XG: variants seen among roughly 807,000 people sequenced by gnomAD.
XG encodes Xg glycoprotein (Xg blood group).
XG carries 24 observed loss-of-function variants against 25.7 expected under a neutral mutation model. That is an observed-to-expected ratio of 0.93 (90% confidence interval 0.68 to 1.31). XG has a LOEUF of 1.31. Among genes scored for constraint, XG ranks in the 40% most tolerant of loss-of-function variants. The pLI is 0.00. For synonymous variants in XG, 77 were observed against 69.2 expected, an observed-to-expected ratio of 1.11 and a Z score of -0.56; for missense variants, 181 against 187.6, an observed-to-expected ratio of 0.96 and a Z score of 0.21.
intron 4 of XG, among the ~76,000 whole-genome samples, chrX:2,786,859 G>A (rs921542260): frequency 1.8e-5 from 2 of 111,468 alleles, no homozygotes; most frequent in African/African-American, 6.5e-5. Context: ...GCATCTACAA[G>A]CCCAGGAGAG....
At chrX:2,779,300 C>A (rs2051068736) in intron 3 of XG, among the ~76,000 whole-genome samples, 1 of 144,902 alleles carries the variant, frequency 6.9e-6, no homozygotes, top group Non-Finnish European at 1.5e-5. Context: ...CCTGCCATTG[C>A]ACTCCAGCTG....
intron 7 of XG, among the ~76,000 whole-genome samples, chrX:2,806,339 C>CT (rs950663466): frequency 1.6e-4 from 18 of 110,715 alleles, no homozygotes; most frequent in African/African-American, 3.9e-4. Flanking sequence ...TGGAGGAACT[C>CT]TTTTTTTTTA....
chrX:2,813,185 T>C (rs1228702988), intron 10 of XG, among the ~76,000 whole-genome samples: 1 of 110,131 alleles, frequency 9.1e-6, no homozygotes, highest in African/African-American at 3.3e-5. Flanking sequence ...ACTTCGATGA[T>C]ACCCTCACCA....
At chrX:2,785,026 T>A (rs1312741500) in intron 4 of XG, among the ~76,000 whole-genome samples, 1 of 112,157 alleles carries the variant, frequency 8.9e-6, no homozygotes, top group African/African-American at 3.2e-5. Context: ...TTACACATTT[T>A]AGGGAGACAG....
intron 1 of XG, among the ~76,000 whole-genome samples, chrX:2,758,084 G>A (rs773277077): frequency 3.0e-4 from 45 of 151,458 alleles, no homozygotes; most frequent in South Asian, 1.9e-3. Context: ...CTCATCCTAC[G>A]TCTCAGTTAT....
chrX:2,771,483 A>T (rs1228201004), intron 2 of XG, among the ~76,000 whole-genome samples: 1 of 152,188 alleles, frequency 6.6e-6, no homozygotes, highest in Non-Finnish European at 1.5e-5. Flanking sequence ...CAGAATGCTG[A>T]AAATATGTGT....
At position 2,774,156 on chromosome X, in the gene XG, G is replaced by A. The variant is rs761111682; in HGVS notation, c.104-560G>A. On this transcript the variant is annotated intron_variant, in intron 2 of 10. Transcript: ENST00000644266. ...AGCTCCAATTTTCCCAGCCATGGCCGACTCCACCTCCTTTGAGCCATCTTC... is the reference window on the plus strand; with the variant it reads ...AGCTCCAATTTTCCCAGCCATGGCCAACTCCACCTCCTTTGAGCCATCTTC... 3.7e-4 allele frequency among the ~76,000 whole-genome samples: 56 copies of A among 152,078 alleles called. 1 individual carries two copies. Among genetic ancestry groups the A allele is most frequent in the Non-Finnish European group, 4.3e-4 (29 of 67,992 alleles).
intron 3 of XG, among the ~76,000 whole-genome samples, chrX:2,780,294 G>C (rs1301823938): frequency 2.6e-5 from 4 of 151,922 alleles, no homozygotes; most frequent in Admixed American, 2.6e-4. Flanking sequence ...ATTCAAAGAA[G>C]AGGGAATTAT....
intron 1 of XG, among the ~76,000 whole-genome samples, chrX:2,764,606 C>G (rs762572063): frequency 6.6e-6 from 1 of 152,020 alleles, no homozygotes; most frequent in East Asian, 1.9e-4. Flanking sequence ...CGGAACTTTC[C>G]CCTCTGTGGG....
At chrX:2,797,270 C>T (rs1259483241) in intron 6 of XG, 40 bp from the exon 7 acceptor site, 2 of 1,202,733 alleles carry the variant, frequency 1.7e-6, no homozygotes, top group South Asian at 3.5e-5. Flanking sequence ...CACGCTCAGA[C>T]ACCTGAACAT....
rs899706627 is a variant in XG, at chrX:2,767,215, C to G, written c.62-3335C>G. 5.3e-5 allele frequency among the ~76,000 whole-genome samples: 8 copies of G among 152,004 alleles called. 1 individual carries two copies. Among genetic ancestry groups the G allele is most frequent in the African/African-American group, 1.9e-4 (8 of 41,388 alleles). ...ATCCGGCAGGGGTGGAATTTGGGTC[C>G]CAGAGGGGTTTGGTGACTGCAGGCT... On this transcript the variant is annotated intron_variant, in intron 1 of 10. Coordinates refer to ENST00000644266, the MANE Select transcript of XG (RefSeq NM_001141919.2).
chrX:2,752,584 A>G lies in XG; in HGVS notation c.61+249A>G, dbSNP rs145839330. 5.2e-3 allele frequency among the ~76,000 whole-genome samples: 792 copies of G among 152,164 alleles called. 3 individuals carry two copies. Among genetic ancestry groups the G allele is most frequent in the African/African-American group, 0.018 (734 of 41,502 alleles). On this transcript the variant is annotated intron_variant, in intron 1 of 10. Transcript: ENST00000644266. ...CTGATACCATCTAGATATTCGCCAT[A>G]TTTTCCTGTTTTGATCCATGTGTCC... is the stretch of plus-strand genomic sequence containing the variant.
chrX:2,777,328 G>C (rs2051021594), intron 3 of XG, among the ~76,000 whole-genome samples: 1 of 152,188 alleles, frequency 6.6e-6, no homozygotes, highest in South Asian at 2.1e-4. Context: ...TTAAGGTTAA[G>C]TGTTCCTGCT....
rs142998578 is a variant in XG, at chrX:2,784,085, A to G, written c.190+1957A>G. The stretch of plus-strand genomic sequence containing the variant: ...AGTCTTTCTTTTTTCCCCCTCTTTC[A>G]TGATGAAAATCCCAAATACCACCCA... On this transcript the variant is annotated intron_variant, in intron 4 of 10. Transcript: ENST00000644266. 6.3e-5 allele frequency among the ~76,000 whole-genome samples: 7 copies of G among 111,531 alleles called. No homozygotes were observed. In the East Asian group the frequency reaches 2.0e-3, roughly 32 times the overall value.
At chrX:2,769,040 C>T (rs2050759058) in intron 1 of XG, among the ~76,000 whole-genome samples, 1 of 152,160 alleles carries the variant, frequency 6.6e-6, no homozygotes. Flanking sequence ...CCCTTCCCTC[C>T]AAGGTTTGTG....
In XG at chrX:2,782,052, T is replaced by G. The variant is rs1426252823; in HGVS notation, c.128-14T>G. ...ATTTTCTTTTCTAACAGTGCAATGT[T>G]GTTTCCTCCACAGATATCTACCCAA... On this transcript the variant is annotated splice_polypyrimidine_tract_variant and intron_variant, in intron 3 of 10. Transcript: ENST00000644266. 2 of 1,207,883 alleles carry G rather than the reference T, an allele frequency of 1.7e-6. No homozygotes were observed. The highest frequency in any genetic ancestry group is 2.2e-6 in the Non-Finnish European group (2 of 893,466).
intron 7 of XG, among the ~76,000 whole-genome samples, chrX:2,800,698 C>G (rs1009708774): frequency 1.8e-5 from 2 of 111,592 alleles, no homozygotes; most frequent in African/African-American, 6.5e-5. Context: ...CAAGAACTGT[C>G]TACTTTTGGC....
chrX:2,763,403 G>T (rs930519255), intron 1 of XG, among the ~76,000 whole-genome samples: 2 of 151,006 alleles, frequency 1.3e-5, no homozygotes, highest in Admixed American at 6.6e-5. Context: ...GCTCATAGAC[G>T]TTGGGTAAGA....
chrX:2,766,554 C>A (rs1420104981), intron 1 of XG, among the ~76,000 whole-genome samples: 1 of 128,178 alleles, frequency 7.8e-6, no homozygotes, highest in Non-Finnish European at 1.6e-5. Context: ...TTCCTTATGG[C>A]CACTTTTTTT....
Sources: gnomAD v4.1 joint callset for allele counts (sites outside exome capture counted in the v4.1 genomes callset) on GRCh38, gnomAD v4.1.1 for gene constraint, MANE v1.5 for transcripts, NCBI Gene and HGNC (gene_info 2026-07-23, HGNC 2026-07-21) for gene names.